Variants in ST6GALNAC5 observed in about 807,000 individuals in gnomAD.
The protein encoded by ST6GALNAC5 is ST6 N-acetylgalactosaminide alpha-2,6-sialyltransferase 5.
A neutral mutation model predicts 33.6 loss-of-function variants in ST6GALNAC5; 27 were observed. The ratio of observed to expected loss-of-function variants is 0.80; its 90% CI spans 0.59 to 1.11. The LOEUF is 1.11. Among genes scored for constraint, ST6GALNAC5 ranks in the 50% least tolerant of loss-of-function variants. The pLI is 0.00. For synonymous variants in ST6GALNAC5, 194 were observed against 171.2 expected, an observed-to-expected ratio of 1.13 and a Z score of -1.04; for missense variants, 428 against 454.0, an observed-to-expected ratio of 0.94 and a Z score of 0.52.
intron 2 of ST6GALNAC5, among the ~76,000 whole-genome samples, chr1:77,041,259 T>C (rs1651821878): frequency 6.6e-6 from 1 of 152,212 alleles, no homozygotes; most frequent in Non-Finnish European, 1.5e-5. Context: ...TGTTCCCTCA[T>C]CTTTGGTCCC....
intron 2 of ST6GALNAC5, among the ~76,000 whole-genome samples, chr1:76,998,108 C>T (rs1650006376): frequency 6.6e-6 from 1 of 152,134 alleles, no homozygotes; most frequent in African/African-American, 2.4e-5. Flanking sequence ...AACTACGAGT[C>T]AATTAAACCT....
chr1:76,995,245 A>G (rs764537441), intron 2 of ST6GALNAC5, among the ~76,000 whole-genome samples: 3 of 152,206 alleles, frequency 2.0e-5, no homozygotes, highest in Non-Finnish European at 4.4e-5. Flanking sequence ...AAAAACTTTA[A>G]GAATTAGCTG....
intron 2 of ST6GALNAC5, among the ~76,000 whole-genome samples, chr1:77,006,863 G>A (rs557853051): frequency 1.3e-5 from 2 of 152,140 alleles, no homozygotes; most frequent in Non-Finnish European, 2.9e-5. Flanking sequence ...TCTTTTGGGT[G>A]CTGGCTGTTC....
At chr1:77,024,522 C>T (rs1053547671) in intron 2 of ST6GALNAC5, among the ~76,000 whole-genome samples, 2 of 152,214 alleles carry the variant, frequency 1.3e-5, no homozygotes, top group Non-Finnish European at 2.9e-5. Flanking sequence ...AAAGCCTGTG[C>T]CCTTTTCCAG....
chr1:76,912,438 G>A (rs12759747), intron 2 of ST6GALNAC5, among the ~76,000 whole-genome samples: 2 of 152,040 alleles, frequency 1.3e-5, no homozygotes. Context: ...ATGTCTATTA[G>A]GTCTGCTTGG....
chr1:76,915,358 A>G (rs1320204802), intron 2 of ST6GALNAC5, among the ~76,000 whole-genome samples: 2 of 152,106 alleles, frequency 1.3e-5, no homozygotes, highest in African/African-American at 2.4e-5. Flanking sequence ...TACCCAAAGG[A>G]CTATAAATCA....
At chr1:77,032,287 T>A (rs77589623) in intron 2 of ST6GALNAC5, among the ~76,000 whole-genome samples, 2,938 of 152,226 alleles carry the variant, frequency 0.019, 99 homozygotes, top group African/African-American at 0.067. Context: ...GAGTTCCTAA[T>A]TAAAAGTGCA....
At chr1:77,001,716 T>A (rs1215011742) in intron 2 of ST6GALNAC5, among the ~76,000 whole-genome samples, 1 of 151,414 alleles carries the variant, frequency 6.6e-6, no homozygotes, top group Non-Finnish European at 1.5e-5. Context: ...TTGAATTTTG[T>A]CAAAGGCTTT....
chr1:76,966,400 G>A (rs1001857079), intron 2 of ST6GALNAC5, among the ~76,000 whole-genome samples: 2 of 152,166 alleles, frequency 1.3e-5, no homozygotes, highest in Non-Finnish European at 2.9e-5. Flanking sequence ...TTGGCTCTCT[G>A]TCTGTTATTG....
intron 2 of ST6GALNAC5, among the ~76,000 whole-genome samples, chr1:76,872,145 A>G (rs145657042): frequency 8.9e-4 from 135 of 151,954 alleles, no homozygotes; most frequent in African/African-American, 3.1e-3. Context: ...AGAAATACTC[A>G]GAGGAAAGCT....
At chr1:76,924,205 G>T (rs746846276) in intron 2 of ST6GALNAC5, among the ~76,000 whole-genome samples, 30 of 152,200 alleles carry the variant, frequency 2.0e-4, no homozygotes, top group Admixed American at 4.6e-4. Context: ...CAGTAGCATT[G>T]TTTTCCCATT....
At chr1:76,879,466 A>G (rs539508948) in intron 2 of ST6GALNAC5, among the ~76,000 whole-genome samples, 1 of 152,336 alleles carries the variant, frequency 6.6e-6, no homozygotes, top group South Asian at 2.1e-4. Context: ...TGCTGTTTAT[A>G]TAAATTAGAG....
rs141336122 is a variant in ST6GALNAC5, at chr1:76,883,177, T to C, written c.261+14435T>C. Among the ~76,000 whole-genome samples the C allele has an allele frequency of 2.7e-3, 408 of 152,262 alleles. 1 individual carries two copies. Among genetic ancestry groups the C allele is most frequent in the African/African-American group, 9.3e-3 (387 of 41,562 alleles). The stretch of plus-strand genomic sequence containing the variant: ...TTGTCCCTACCCACAGGAAAATCAG[T>C]GGAGGAAATAAATGTTATAATTACT... On this transcript the variant is annotated intron_variant, in intron 2 of 4. Transcript: ENST00000477717.
At chr1:77,015,714 G>T (rs912452919) in intron 2 of ST6GALNAC5, among the ~76,000 whole-genome samples, 5 of 151,984 alleles carry the variant, frequency 3.3e-5, no homozygotes, top group African/African-American at 9.7e-5. Context: ...GTCCAGCAAG[G>T]TCTGTGCTGA....
chr1:76,916,711 C>A (rs1221946582), intron 2 of ST6GALNAC5, among the ~76,000 whole-genome samples: 1 of 145,266 alleles, frequency 6.9e-6, no homozygotes, highest in African/African-American at 2.8e-5. Context: ...TAAAAAAAAA[C>A]GATTGTGTTT....
intron 2 of ST6GALNAC5, among the ~76,000 whole-genome samples, chr1:76,957,227 G>C (rs1043917633): frequency 6.6e-6 from 1 of 152,120 alleles, no homozygotes; most frequent in African/African-American, 2.4e-5. Context: ...CCCTCTGAAG[G>C]CTCCAGGGAA....
At chr1:77,038,752 G>A (rs1170701954) in intron 2 of ST6GALNAC5, among the ~76,000 whole-genome samples, 1 of 152,206 alleles carries the variant, frequency 6.6e-6, no homozygotes, top group Non-Finnish European at 1.5e-5. Context: ...GATTCCCTGA[G>A]CACGCTTCCC....
In ST6GALNAC5 at chr1:76,982,615, C is replaced by T. The variant is rs545608439; in HGVS notation, c.262-61589C>T. Among the ~76,000 whole-genome samples the T allele has an allele frequency of 2.0e-5, 3 of 152,272 alleles. No individual in the cohort carries two copies. The South Asian group carries it at 6.2e-4, about 32-fold the overall frequency. The stretch of plus-strand genomic sequence containing the variant: ...CAGGATATTATCCAGGAGAACTTCC[C>T]TAACCTAGCAAGGCAGGCCAACATT... On this transcript the variant is annotated intron_variant, in intron 2 of 4. Coordinates refer to ENST00000477717, the MANE Select transcript of ST6GALNAC5 (RefSeq NM_030965.3).
At chr1:77,006,321 A>ATC (rs1650414991) in intron 2 of ST6GALNAC5, among the ~76,000 whole-genome samples, 1 of 92,822 alleles carries the variant, frequency 1.1e-5, no homozygotes, top group African/African-American at 4.2e-5. Flanking sequence ...CACCCGGCTA[A>ATC]TTTTTTTTTT....
Sources: gnomAD v4.1 joint callset for allele counts (sites outside exome capture counted in the v4.1 genomes callset) on GRCh38, gnomAD v4.1.1 for gene constraint, MANE v1.5 for transcripts, NCBI Gene and HGNC (gene_info 2026-07-23, HGNC 2026-07-21) for gene names.